Variants in ADAMTS15 observed in about 807,000 individuals in gnomAD.
ADAMTS15 encodes A disintegrin and metalloproteinase with thrombospondin motifs 15.
Under a neutral mutation model 79.1 loss-of-function variants are expected in ADAMTS15, and 35 were observed. The observed-to-expected ratio is 0.44, with a 90% confidence interval of 0.34 to 0.59. The LOEUF is 0.59. ADAMTS15 is among the 20% of genes least tolerant of loss of function. ADAMTS15 has a pLI of 0.02. For synonymous variants in ADAMTS15, 616 were observed against 567.3 expected (o/e 1.09, Z -1.22); for missense variants, 1,324 against 1,318.7 (o/e 1.00, Z -0.06).
chr11:130,467,960 C>T (rs539542663), intron 4 of ADAMTS15, among the ~76,000 whole-genome samples: 6 of 152,210 alleles, frequency 3.9e-5, no homozygotes, highest in African/African-American at 1.4e-4. Flanking sequence ...TTTGGTCTGG[C>T]ATCAAGTCTG....
At chr11:130,470,170 A>ATGTG (rs1344210683) in intron 5 of ADAMTS15, among the ~76,000 whole-genome samples, 59 of 58,116 alleles carry the variant, frequency 1.0e-3, no homozygotes, top group East Asian at 1.8e-3. Flanking sequence ...ATATATATAT[A>ATGTG]TATATATATA....
intron 5 of ADAMTS15, among the ~76,000 whole-genome samples, chr11:130,470,164 ATATATATATATATATATGTGTG>A (rs1565397701): frequency 1.7e-4 from 10 of 58,230 alleles, no homozygotes; most frequent in African/African-American, 9.4e-4. Flanking sequence ...GTATATATAT[ATATATATATATATATATGTGTG>A]TATATATATA....
At chr11:130,457,215 A>T (rs1053659253) in intron 1 of ADAMTS15, among the ~76,000 whole-genome samples, 43 of 149,288 alleles carry the variant, frequency 2.9e-4, no homozygotes, top group Non-Finnish European at 5.5e-4. Flanking sequence ...TGGGCAACAG[A>T]GCGAGACTCA....
intron 1 of ADAMTS15, among the ~76,000 whole-genome samples, chr11:130,455,243 G>A (rs371525371): frequency 2.0e-5 from 3 of 152,126 alleles, no homozygotes; most frequent in East Asian, 3.8e-4. Flanking sequence ...CACTGCCTTC[G>A]TAGTCACTCA....
rs957290540 is a variant in ADAMTS15, at chr11:130,472,800, A to G, written c.2079-247A>G. ...TTTGGTGGACTCAGTCCTCCCTGCA[A>G]TTCAGTGAGGTGTGTGGAATTCTGA... is the stretch of plus-strand genomic sequence containing the variant. On this transcript the variant is annotated intron_variant, in intron 7 of 7. Coordinates refer to ENST00000299164, the MANE Select transcript of ADAMTS15 (RefSeq NM_139055.4). This position sits in a 1 kb window ranked among gnomAD's most constrained non-coding sequence, Gnocchi z 4.7. Among the ~76,000 whole-genome samples, 6 of 152,076 alleles carry G rather than the reference A, an allele frequency of 3.9e-5. No individual in the cohort carries two copies. The highest frequency in any genetic ancestry group is 1.2e-4 in the African/African-American group (5 of 41,380).
Position 130,448,940 on chromosome 11 carries a change from C to A in ADAMTS15, c.-34C>A, listed in dbSNP as rs773687938. On this transcript the variant is annotated 5_prime_UTR_variant, in exon 1 of 8. Transcript: ENST00000299164. The stretch of plus-strand genomic sequence containing the variant: ...GCGGCCGGAGAGCCCGGCCCAGCCC[C>A]TTCCCACAGCGCGGCGGTGCGCTGC... The A allele has an allele frequency of 1.4e-6, 2 of 1,469,182 alleles. No individual in the cohort carries two copies. Among genetic ancestry groups the A allele is most frequent in the South Asian group, 1.5e-5 (1 of 65,358 alleles). The allele number at this position is 1,469,182 out of a possible 1,614,324, so 91.0% of individuals were successfully genotyped here.
At position 130,468,491 on chromosome 11, in the gene ADAMTS15, C is replaced by T. The variant is rs538582611; in HGVS notation, c.1543-771C>T. 3.0e-3 allele frequency among the ~76,000 whole-genome samples: 452 copies of T among 151,984 alleles called. 4 individuals carry two copies. The highest frequency in any genetic ancestry group is 9.9e-3 in the African/African-American group (412 of 41,416). On this transcript the variant is annotated intron_variant, in intron 4 of 7. Transcript: ENST00000299164. ...ATTAAAAATACAAAATAAGGCCGGG[C>T]GCGGTGGCTCAAGCCTGTAATCCCA...
chr11:130,470,183 T>TATATACAC (rs1565397829), intron 5 of ADAMTS15, among the ~76,000 whole-genome samples: 1 of 39,848 alleles, frequency 2.5e-5, no homozygotes, highest in African/African-American at 1.4e-4. Context: ...TATATATATG[T>TATATACAC]GTGTATATAT....
chr11:130,455,077 A>G (rs1938048775), intron 1 of ADAMTS15, among the ~76,000 whole-genome samples: 1 of 152,084 alleles, frequency 6.6e-6, no homozygotes, highest in Non-Finnish European at 1.5e-5. Context: ...AGCAATGGAC[A>G]TTGCGTGAGT....
intron 5 of ADAMTS15, among the ~76,000 whole-genome samples, chr11:130,470,505 G>A (rs1039480366): frequency 2.0e-5 from 3 of 151,916 alleles, no homozygotes; most frequent in African/African-American, 7.3e-5. Flanking sequence ...GCATGAGCCA[G>A]TGTGTCCAGC....
At chr11:130,458,319 C>T (rs776958364) in intron 1 of ADAMTS15, among the ~76,000 whole-genome samples, 3 of 152,156 alleles carry the variant, frequency 2.0e-5, no homozygotes, top group Non-Finnish European at 4.4e-5. Context: ...CTTGGCCTCC[C>T]GAAGTGCTAG....
chr11:130,471,246 C>A lies in ADAMTS15; in HGVS notation c.1941C>A (p.Ser647=), dbSNP rs770973237. ...DGTLCSPDST[S]VCVQGKCIKA... Reference sequence around the variant, plus strand: ...CGCTGTGCTCTCCTGACTCCACCTCCGTCTGTGTCCAAGGCAAGTGCATCA... The same window carrying A: ...CGCTGTGCTCTCCTGACTCCACCTCAGTCTGTGTCCAAGGCAAGTGCATCA... Residue 647 remains serine, a synonymous_variant, in exon 7 of 8, where the codon TCC becomes TCA. Coordinates refer to ENST00000299164, the MANE Select transcript of ADAMTS15 (RefSeq NM_139055.4). 6.2e-7 allele frequency: 1 copy of A among 1,609,186 alleles called. No homozygotes were observed. The highest frequency in any genetic ancestry group is 1.3e-5 in the African/African-American group (1 of 74,600).
At position 130,473,182 on chromosome 11, in the gene ADAMTS15, C is replaced by T. The variant is rs374831999; in HGVS notation, c.2214C>T (p.Asn738=). The change falls in exon 8 of 8, where the codon AAC becomes AAT. Residue 738 remains asparagine (N), a synonymous_variant. Transcript: ENST00000299164. ...ACAGCCAAGGCAAGTACCTGCTCAA[C>T]GGGCATTTCGTGGTGTCGGCGGTGG... ...LKNSQGKYLL[N]GHFVVSAVER... 54 of 1,613,988 alleles carry T rather than the reference C, an allele frequency of 3.3e-5. 1 individual carries two copies. The highest frequency in any genetic ancestry group is 4.5e-5 in the East Asian group (2 of 44,884).
intron 4 of ADAMTS15, among the ~76,000 whole-genome samples, chr11:130,465,472 C>G (rs879838445): frequency 1.1e-4 from 17 of 152,170 alleles, no homozygotes; most frequent in Non-Finnish European, 2.1e-4. Flanking sequence ...CCATCTGAAA[C>G]AAAACTTCTT....
rs952159095 is a variant in ADAMTS15, at chr11:130,450,026, T to A, written c.957+96T>A. 3.9e-6 allele frequency: 6 copies of A among 1,523,678 alleles called. No homozygotes were observed. In the Admixed American group the frequency reaches 7.6e-5, roughly 19 times the overall value. The allele number at this position is 1,523,678 out of a possible 1,614,324, so 94.4% of individuals were successfully genotyped here. A position where few individuals can be genotyped will look rare whatever the true frequency, so the allele number is the denominator to read the frequency against. ...AATCCCCTTTGTATCGTGCAATGCCTCCGAGTTTAAACCTCGTTGATCTCT... is the reference window on the plus strand; with the variant it reads ...AATCCCCTTTGTATCGTGCAATGCCACCGAGTTTAAACCTCGTTGATCTCT... On this transcript the variant is annotated intron_variant, in intron 1 of 7. Transcript: ENST00000299164.
intron 1 of ADAMTS15, among the ~76,000 whole-genome samples, chr11:130,459,777 G>A (rs1938161377): frequency 6.6e-6 from 1 of 152,214 alleles, no homozygotes; most frequent in Admixed American, 6.5e-5. Context: ...GACTGCTCAG[G>A]TGGTAAACCT....
intron 1 of ADAMTS15, chr11:130,450,386 T>G (rs2134714616): frequency 2.0e-6 from 2 of 985,436 alleles, no homozygotes; most frequent in East Asian, 2.3e-4. Flanking sequence ...CTGAAGGTGA[T>G]CCAAGGTCAG....
chr11:130,465,575 C>G (rs1382182819), intron 4 of ADAMTS15, among the ~76,000 whole-genome samples: 1 of 152,192 alleles, frequency 6.6e-6, no homozygotes, highest in East Asian at 1.9e-4. Flanking sequence ...CCAATTCCAT[C>G]TTCCCACTTT....
In ADAMTS15 at chr11:130,462,882, A is replaced by C. The variant is rs1315335937; in HGVS notation, c.1542+102A>C. 1 of 1,479,274 alleles carries C rather than the reference A, an allele frequency of 6.8e-7. No individual in the cohort carries two copies. The highest frequency in any genetic ancestry group is 2.1e-5 in the Admixed American group (1 of 47,274). The allele number at this position is 1,479,274 out of a possible 1,614,324, so 91.6% of individuals were successfully genotyped here. A position where few individuals can be genotyped will look rare whatever the true frequency, so the allele number is the denominator to read the frequency against. On this transcript the variant is annotated intron_variant, in intron 4 of 7. Coordinates refer to ENST00000299164, the MANE Select transcript of ADAMTS15 (RefSeq NM_139055.4). This position sits in a 1 kb window ranked among gnomAD's most constrained non-coding sequence, Gnocchi z 4.3. ...TCTTCACCAGGAAGGTGCCTATCAC[A>C]GACTGGCCACGGGACCAGCACTGTT...
Sources: allele counts gnomAD v4.1 joint callset (sites outside exome capture counted in the v4.1 genomes callset), GRCh38; gene constraint gnomAD v4.1.1; non-coding constraint Gnocchi (gnomAD v3.1); transcripts MANE v1.5; gene names NCBI Gene and HGNC (gene_info 2026-07-23, HGNC 2026-07-21).